Variants in STARD13 observed in about 807,000 individuals in gnomAD.
STARD13 encodes the protein StAR related lipid transfer domain containing 13, also known as stAR-related lipid transfer protein 13.
STARD13 carries 62 observed loss-of-function variants against 106.4 expected under a neutral mutation model. The observed-to-expected ratio is 0.58, with a 90% CI of 0.48 to 0.72. The LOEUF (loss-of-function observed/expected upper bound fraction) is 0.72, where lower values mean the gene tolerates loss of function less well. STARD13 is among the 30% of genes least tolerant of loss of function. The probability of loss-of-function intolerance (pLI) is 0.00; values close to 1 mark genes in which losing one functional copy is unlikely to be tolerated. For missense variants in STARD13, 1,387 were observed against 1,424.0 expected (o/e 0.97, Z 0.42); for synonymous variants, 565 against 553.0 (o/e 1.02, Z -0.31).
the STARD13 span, among the ~76,000 whole-genome samples, chr13:33,551,615 T>TTTTTTTTTTTTTTTTTTTTTTTTG: frequency 8.6e-6 from 1 of 115,926 alleles, no homozygotes; most frequent in Non-Finnish European, 1.7e-5. Flanking sequence ...TTTTTTTTTT[T>TTTTTTTTTTTTTTTTTTTTTTTTG]TGAGTTGGAG....
chr13:33,295,156 T>G (rs886516572), intron 1 of STARD13, among the ~76,000 whole-genome samples: 3 of 152,206 alleles, frequency 2.0e-5, no homozygotes, highest in African/African-American at 7.2e-5. Flanking sequence ...CCAAAAAATA[T>G]GAAAAATATG....
chr13:33,507,798 A>T, the STARD13 span, among the ~76,000 whole-genome samples: 2 of 152,170 alleles, frequency 1.3e-5, no homozygotes, highest in Admixed American at 6.6e-5. Flanking sequence ...AGCTAGGGAA[A>T]TTTTTTTTAA....
At chr13:33,656,337 G>C in the STARD13 span, among the ~76,000 whole-genome samples, 1 of 152,164 alleles carries the variant, frequency 6.6e-6, no homozygotes, top group Admixed American at 6.5e-5. Flanking sequence ...TGAAAGGAAA[G>C]AAAGGGAAGA....
At chr13:33,500,197 G>A in the STARD13 span, among the ~76,000 whole-genome samples, 1 of 152,102 alleles carries the variant, frequency 6.6e-6, no homozygotes, top group Non-Finnish European at 1.5e-5. Context: ...GGAGGGACAC[G>A]AACACTCAGT....
the STARD13 span, among the ~76,000 whole-genome samples, chr13:33,598,761 T>A: frequency 1.3e-5 from 2 of 152,224 alleles, no homozygotes; most frequent in Admixed American, 6.5e-5. Flanking sequence ...TCATGACAAA[T>A]CCCTTAGCTC....
chr13:33,123,174 G>A (rs1175101887), intron 7 of STARD13, among the ~76,000 whole-genome samples: 1 of 152,024 alleles, frequency 6.6e-6, no homozygotes, highest in Non-Finnish European at 1.5e-5. Flanking sequence ...AGCCAGCGGG[G>A]GCAGGGACAC....
intron 4 of STARD13, among the ~76,000 whole-genome samples, chr13:33,135,123 G>A (rs1878883390): frequency 6.6e-6 from 1 of 152,176 alleles, no homozygotes; most frequent in South Asian, 2.1e-4. Flanking sequence ...AATGGCCAAG[G>A]ATCTAAGAAC....
At chr13:33,559,628 G>A in the STARD13 span, among the ~76,000 whole-genome samples, 1 of 151,446 alleles carries the variant, frequency 6.6e-6, no homozygotes, top group South Asian at 2.1e-4. Flanking sequence ...GGCCGAGGCG[G>A]GCAGATCACA....
At chr13:33,142,412 T>G in intron 3 of STARD13, 39 bp from the exon 4 acceptor site, 1 of 1,538,724 alleles carries the variant, frequency 6.5e-7, no homozygotes, top group Non-Finnish European at 9.0e-7. Flanking sequence ...CTTTCACTAA[T>G]GAATTTAAAT....
At chr13:33,238,847 T>C (rs1380019255) in intron 1 of STARD13, among the ~76,000 whole-genome samples, 2 of 152,058 alleles carry the variant, frequency 1.3e-5, no homozygotes, top group Non-Finnish European at 2.9e-5. Context: ...TTTATTGTGG[T>C]AAAAAAACAC....
At chr13:33,193,236 G>A (rs1886378476) in intron 1 of STARD13, among the ~76,000 whole-genome samples, 1 of 152,202 alleles carries the variant, frequency 6.6e-6, no homozygotes, top group Admixed American at 6.5e-5. Flanking sequence ...AGTATGAGGA[G>A]TAAGAAAAGA....
upstream of STARD13, among the ~76,000 whole-genome samples, chr13:33,353,352 C>T (rs765799060): frequency 3.9e-5 from 6 of 152,110 alleles, no homozygotes; most frequent in Non-Finnish European, 7.4e-5. Context: ...CAACGTGTTC[C>T]AGTTATTGTT....
At chr13:33,168,168 T>C (rs1340369380) in intron 1 of STARD13, among the ~76,000 whole-genome samples, 2 of 152,142 alleles carry the variant, frequency 1.3e-5, no homozygotes, top group African/African-American at 4.8e-5. Flanking sequence ...AAAATTTCAC[T>C]AATAGCCTTA....
At chr13:33,300,466 T>C (rs972706713) in intron 1 of STARD13, among the ~76,000 whole-genome samples, 4 of 152,210 alleles carry the variant, frequency 2.6e-5, no homozygotes, top group Non-Finnish European at 5.9e-5. Context: ...GTCTGTGAAA[T>C]CGCCAACTTC....
At chr13:33,190,178 C>T (rs1273231431) in intron 1 of STARD13, among the ~76,000 whole-genome samples, 1 of 152,122 alleles carries the variant, frequency 6.6e-6, no homozygotes, top group Non-Finnish European at 1.5e-5. Context: ...TGTGATGGCT[C>T]ATGCCTGTAA....
chr13:33,224,305 C>G (rs925995374), intron 1 of STARD13, among the ~76,000 whole-genome samples: 1 of 152,182 alleles, frequency 6.6e-6, no homozygotes, highest in African/African-American at 2.4e-5. Context: ...CTTTCCTAGT[C>G]TTAGATTTGG....
the STARD13 span, among the ~76,000 whole-genome samples, chr13:33,370,244 C>T: frequency 6.6e-6 from 1 of 152,216 alleles, no homozygotes; most frequent in Non-Finnish European, 1.5e-5. Flanking sequence ...AACAGCTATA[C>T]TAACCACCTT....
At chr13:33,572,533 C>T in the STARD13 span, among the ~76,000 whole-genome samples, 1 of 152,178 alleles carries the variant, frequency 6.6e-6, no homozygotes, top group Non-Finnish European at 1.5e-5. Context: ...GTTCATTACT[C>T]AAACTCTTTT....
At chr13:33,552,455 A>G in the STARD13 span, among the ~76,000 whole-genome samples, 1 of 152,242 alleles carries the variant, frequency 6.6e-6, no homozygotes. Context: ...ACTGTAACAG[A>G]TAAATGAGAA....
Sources: gnomAD v4.1 joint callset for allele counts (sites outside exome capture counted in the v4.1 genomes callset) on GRCh38, gnomAD v4.1.1 for gene constraint, MANE v1.5 for transcripts, NCBI Gene and HGNC (gene_info 2026-07-23, HGNC 2026-07-21) for gene names.